The following MATN2 variants were observed in gnomAD, a reference collection of about 807,000 sequenced individuals.
The protein encoded by MATN2 is matrilin-2.
A neutral mutation model predicts 103.2 loss-of-function variants in MATN2; 69 were observed. The observed-to-expected ratio is 0.67, with a 90% CI of 0.55 to 0.82. MATN2 has a LOEUF of 0.82. MATN2 is among the 40% of genes least tolerant of loss of function. MATN2 has a pLI of 0.00. For synonymous variants in MATN2, 429 were observed against 450.2 expected, an observed-to-expected ratio of 0.95 and a Z score of 0.60; for missense variants, 1,023 against 1,211.5, an observed-to-expected ratio of 0.84 and a Z score of 2.31.
rs879500651 is a variant in MATN2 at position 97,967,440 on chromosome 8, T to TA, written c.958+5923dup. ...CTTCCACCTATGAGCCTGTGAGATT[T>TA]AAAAAAAAAAAAAGAAAAAGTTTTT... On this transcript the variant is annotated intron_variant, in intron 5 of 18. Transcript: ENST00000254898. Among the ~76,000 whole-genome samples the TA allele has an allele frequency of 1.7e-3, 249 of 143,250 alleles. 1 individual carries two copies. The highest frequency in any genetic ancestry group is 4.1e-3 in the African/African-American group (159 of 39,032). 94.0% of individuals were successfully genotyped at this position (143,250 alleles called of 152,430 possible). A position where few individuals can be genotyped will look rare whatever the true frequency, so the allele number is the denominator to read the frequency against.
intron 2 of MATN2, among the ~76,000 whole-genome samples, chr8:97,919,427 T>C (rs888957930): frequency 6.6e-6 from 1 of 152,214 alleles, no homozygotes; most frequent in Non-Finnish European, 1.5e-5. Context: ...AGGCAGGGTT[T>C]CACTATGTTG....
At chr8:97,966,663 A>G (rs956709628) in intron 5 of MATN2, among the ~76,000 whole-genome samples, 1 of 152,250 alleles carries the variant, frequency 6.6e-6, no homozygotes, top group Non-Finnish European at 1.5e-5. Flanking sequence ...AAGAGGAAGC[A>G]GAAAACTCGG....
intron 4 of MATN2, among the ~76,000 whole-genome samples, chr8:97,957,237 G>C (rs534104658): frequency 2.0e-5 from 3 of 152,180 alleles, no homozygotes; most frequent in Admixed American, 6.5e-5. Context: ...TGCCGGGGCA[G>C]GGGGAGCTCT....
chr8:97,943,431 C>CCTT (rs1242032150), intron 4 of MATN2, among the ~76,000 whole-genome samples: 1 of 150,922 alleles, frequency 6.6e-6, no homozygotes, highest in African/African-American at 2.4e-5. Context: ...TTCTCCTTCT[C>CCTT]CTTCTCCTCC....
At chr8:97,960,347 A>G (rs1811268022) in intron 4 of MATN2, among the ~76,000 whole-genome samples, 1 of 152,192 alleles carries the variant, frequency 6.6e-6, no homozygotes, top group South Asian at 2.1e-4. Flanking sequence ...GGCAAAATCA[A>G]TGGTACAGCT....
At chr8:97,897,781 G>T (rs1818861448) in intron 2 of MATN2, among the ~76,000 whole-genome samples, 1 of 152,094 alleles carries the variant, frequency 6.6e-6, no homozygotes, top group Non-Finnish European at 1.5e-5. Flanking sequence ...CATCCTCTGT[G>T]CCTATGCTCT....
At chr8:97,944,136 G>A (rs2130192607) in intron 4 of MATN2, among the ~76,000 whole-genome samples, 1 of 152,328 alleles carries the variant, frequency 6.6e-6, no homozygotes, top group Non-Finnish European at 1.5e-5. Context: ...GGAGGGCTAG[G>A]AGCTCAGGGC....
At chr8:97,966,830 A>G (rs1811497833) in intron 5 of MATN2, among the ~76,000 whole-genome samples, 1 of 152,212 alleles carries the variant, frequency 6.6e-6, no homozygotes, top group South Asian at 2.1e-4. Context: ...CTGAGCTGAA[A>G]TCCCAACTCT....
chr8:98,009,276 C>A (rs534156389), intron 10 of MATN2, among the ~76,000 whole-genome samples: 2 of 152,284 alleles, frequency 1.3e-5, no homozygotes, highest in South Asian at 4.1e-4. Context: ...TCTGACTGTC[C>A]TGTCCTGTAA....
intron 14 of MATN2, 45 bp from the exon 15 acceptor site, chr8:98,030,417 A>G: frequency 6.4e-7 from 1 of 1,560,632 alleles, no homozygotes; most frequent in Non-Finnish European, 8.7e-7. Context: ...AGCCCCTGGG[A>G]ACACAACTCT....
intron 5 of MATN2, among the ~76,000 whole-genome samples, chr8:97,971,756 TTTCA>T (rs1166174037): frequency 6.6e-6 from 1 of 152,166 alleles, no homozygotes; most frequent in African/African-American, 2.4e-5. Flanking sequence ...CACTTGTACT[TTTCA>T]TCTTTCACAG....
At chr8:97,935,665 T>C (rs572591378) in intron 3 of MATN2, among the ~76,000 whole-genome samples, 71 of 152,244 alleles carry the variant, frequency 4.7e-4, no homozygotes, top group African/African-American at 1.7e-3. Context: ...TTTTACTTTT[T>C]AAAAAAGAAA....
chr8:98,007,184 C>T lies in MATN2; in HGVS notation c.1407C>T (p.Cys469=). The T allele has an allele frequency of 6.2e-7, 1 of 1,613,944 alleles. No homozygotes were observed. The highest frequency in any genetic ancestry group is 1.1e-5 in the South Asian group (1 of 91,054). Reference sequence around the variant, plus strand: ...CGGAGGATTCCTTCGTCTGCCAGTGCTCAGAAGGCTTCCTCATCAACGAGG... The same window carrying T: ...CGGAGGATTCCTTCGTCTGCCAGTGTTCAGAAGGCTTCCTCATCAACGAGG... ...LNTEDSFVCQ[C]SEGFLINEDL... Residue 469 remains cysteine, a synonymous_variant, in exon 9 of 19, where the codon TGC becomes TGT. Transcript: ENST00000254898. The surrounding 1 kb of genome is among the most constrained non-coding windows in gnomAD (Gnocchi z 4.2).
At chr8:97,974,788 T>A (rs1811777551) in intron 5 of MATN2, among the ~76,000 whole-genome samples, 1 of 152,198 alleles carries the variant, frequency 6.6e-6, no homozygotes, top group Non-Finnish European at 1.5e-5. Flanking sequence ...CAATAACATG[T>A]ACAAATGACA....
intron 7 of MATN2, among the ~76,000 whole-genome samples, chr8:97,995,871 T>G (rs1303688727): frequency 6.6e-6 from 1 of 152,226 alleles, no homozygotes; most frequent in Non-Finnish European, 1.5e-5. Flanking sequence ...AAGCATTAAA[T>G]GAAAATTTTA....
chr8:98,029,175 C>T lies in MATN2; in HGVS notation c.2357-1287C>T, dbSNP rs75443996. ...GAAGGAGGTCATTTTATTGATACTG[C>T]GTACCTTCCTCTTTTTCTAGCCCAA... is the stretch of plus-strand genomic sequence containing the variant. On this transcript the variant is annotated intron_variant, in intron 14 of 18. Transcript: ENST00000254898. 8.3e-3 allele frequency among the ~76,000 whole-genome samples: 1,270 copies of T among 152,306 alleles called. 17 individuals carry two copies. The highest frequency in any genetic ancestry group is 0.026 in the African/African-American group (1,073 of 41,554).
intron 2 of MATN2, among the ~76,000 whole-genome samples, chr8:97,926,530 G>A (rs1236051544): frequency 6.6e-6 from 1 of 152,186 alleles, no homozygotes; most frequent in African/African-American, 2.4e-5. Flanking sequence ...TGACCATGGT[G>A]AGCCATGAGG....
At chr8:97,969,403 T>C (rs1405310598) in intron 5 of MATN2, among the ~76,000 whole-genome samples, 1 of 152,226 alleles carries the variant, frequency 6.6e-6, no homozygotes, top group Non-Finnish European at 1.5e-5. Context: ...TGTAAGGTTT[T>C]ATGGGATTAA....
intron 7 of MATN2, among the ~76,000 whole-genome samples, chr8:98,000,308 T>G (rs1224364123): frequency 6.6e-6 from 1 of 151,842 alleles, no homozygotes; most frequent in Non-Finnish European, 1.5e-5. Flanking sequence ...CTTTGAAATA[T>G]GGATAACAGG....
Sources: gnomAD v4.1 joint callset for allele counts (sites outside exome capture counted in the v4.1 genomes callset) on GRCh38, gnomAD v4.1.1 for gene constraint, Gnocchi (gnomAD v3.1) non-coding constraint, MANE v1.5 for transcripts, NCBI Gene and HGNC (gene_info 2026-07-23, HGNC 2026-07-21) for gene names.